Variants in ERBB4 observed in about 807,000 individuals in gnomAD.
ERBB4 encodes receptor tyrosine-protein kinase erbB-4.
Under a neutral mutation model 158.0 loss-of-function variants are expected in ERBB4, and 42 were observed. The ratio of observed to expected loss-of-function variants is 0.27; its 90% confidence interval spans 0.21 to 0.34. The LOEUF is 0.34. Ranked by LOEUF, ERBB4 falls within the 10% of genes least tolerant of loss-of-function variation. The pLI, the probability that ERBB4 is intolerant of heterozygous loss-of-function variation, is 1.00. For missense variants in ERBB4, 1,333 were observed against 1,624.1 expected, an observed-to-expected ratio of 0.82 and a Z score of 3.08; for synonymous variants, 583 against 558.7, an observed-to-expected ratio of 1.04 and a Z score of -0.61.
chr2:212,263,506 G>A (rs778855028), intron 1 of ERBB4, among the ~76,000 whole-genome samples: 22 of 152,146 alleles, frequency 1.4e-4, no homozygotes, highest in Middle Eastern at 3.4e-3. Flanking sequence ...ACCAAATTGC[G>A]TTTTTGCAGC....
Position 212,331,058 on chromosome 2 carries a change from GTA to G in ERBB4, c.83-206157_83-206156del. On this transcript the variant is annotated intron_variant, in intron 1 of 27. Transcript: ENST00000342788. ...AGTAAGTTTCCCATATTTGTAATTT[GTA>G]TATATATATATACACATATATATAT... 1.1e-4 allele frequency among the ~76,000 whole-genome samples: 6 copies of G among 56,258 alleles called. 1 individual carries two copies. Among genetic ancestry groups the G allele is most frequent in the South Asian group, 1.4e-3 (2 of 1,388 alleles). 36.9% of individuals were successfully genotyped at this position (56,258 alleles called of 152,430 possible).
chr2:212,268,961 C>CA (rs1265664218), intron 1 of ERBB4, among the ~76,000 whole-genome samples: 2 of 151,442 alleles, frequency 1.3e-5, no homozygotes, highest in Non-Finnish European at 2.9e-5. Context: ...TCTGTCTATT[C>CA]AAAAAACCAT....
At chr2:212,372,781 C>T (rs1456735561) in intron 1 of ERBB4, among the ~76,000 whole-genome samples, 3 of 151,972 alleles carry the variant, frequency 2.0e-5, no homozygotes, top group African/African-American at 7.2e-5. Flanking sequence ...AAAACAAAAG[C>T]CTGACCACAT....
intron 1 of ERBB4, among the ~76,000 whole-genome samples, chr2:212,263,953 T>C (rs1022753320): frequency 6.6e-6 from 1 of 152,154 alleles, no homozygotes; most frequent in Non-Finnish European, 1.5e-5. Flanking sequence ...CTATGGCTTG[T>C]CTGTCCTACT....
At chr2:211,744,037 C>T (rs1223112453) in intron 5 of ERBB4, among the ~76,000 whole-genome samples, 2 of 152,142 alleles carry the variant, frequency 1.3e-5, no homozygotes, top group Non-Finnish European at 2.9e-5. Flanking sequence ...TTAGATTTTA[C>T]AAGCACAATC....
chr2:211,963,929 A>T (rs2081248643), intron 2 of ERBB4, among the ~76,000 whole-genome samples: 1 of 152,200 alleles, frequency 6.6e-6, no homozygotes, highest in Non-Finnish European at 1.5e-5. Flanking sequence ...CATAAAAAAT[A>T]ACAATGTCTC....
intron 2 of ERBB4, among the ~76,000 whole-genome samples, chr2:212,011,945 T>C (rs886691955): frequency 1.3e-5 from 2 of 152,182 alleles, no homozygotes; most frequent in African/African-American, 4.8e-5. Flanking sequence ...TTGACTGGAA[T>C]GCTTTTAGAA....
chr2:211,859,869 G>T (rs1158688646), intron 3 of ERBB4, among the ~76,000 whole-genome samples: 2 of 152,144 alleles, frequency 1.3e-5, no homozygotes, highest in Admixed American at 1.3e-4. Flanking sequence ...CAATGAAAAA[G>T]AAATGTAAAT....
At position 211,702,010 on chromosome 2, in the gene ERBB4, G is replaced by A. The variant is rs959186384; in HGVS notation, c.1446C>T (p.Asn482=). The A allele has an allele frequency of 1.2e-6, 2 of 1,613,914 alleles. No individual in the cohort carries two copies. The highest frequency in any genetic ancestry group is 1.3e-5 in the African/African-American group (1 of 75,000). ...INWTTLFSTI[N]QRIVIRDNRK... ...TGTTGTCCCGGATTACTATTCTCTG[G>A]TTGATTGTGCTGAAGAGTGTTGTCC... Residue 482 remains asparagine, a synonymous_variant, in exon 12 of 28, where the codon AAC becomes AAT. Transcript: ENST00000342788.
chr2:212,223,904 C>A (rs983058780), intron 1 of ERBB4, among the ~76,000 whole-genome samples: 1 of 151,748 alleles, frequency 6.6e-6, no homozygotes, highest in Non-Finnish European at 1.5e-5. Flanking sequence ...ATAAATACTT[C>A]GCATAGATTA....
intron 20 of ERBB4, among the ~76,000 whole-genome samples, chr2:211,531,571 T>C (rs889412391): frequency 2.6e-5 from 4 of 152,088 alleles, no homozygotes; most frequent in African/African-American, 4.8e-5. Context: ...CTCAACATCA[T>C]TGATCAACAG....
At chr2:211,807,367 C>G (rs2105905467) in intron 3 of ERBB4, among the ~76,000 whole-genome samples, 1 of 152,190 alleles carries the variant, frequency 6.6e-6, no homozygotes, top group Middle Eastern at 3.4e-3. Flanking sequence ...TTGTTCAGTT[C>G]CCACCTATGA....
intron 2 of ERBB4, among the ~76,000 whole-genome samples, chr2:212,029,200 G>A (rs2076844353): frequency 6.6e-6 from 1 of 152,100 alleles, no homozygotes; most frequent in African/African-American, 2.4e-5. Flanking sequence ...ACTACTCCCT[G>A]CCTATAGGGT....
At chr2:212,087,642 A>T (rs943692958) in intron 2 of ERBB4, among the ~76,000 whole-genome samples, 3 of 152,200 alleles carry the variant, frequency 2.0e-5, no homozygotes, top group African/African-American at 7.2e-5. Context: ...AAAGAGTTCT[A>T]AACAGGAGGC....
At chr2:211,879,221 T>C (rs1420740980) in intron 3 of ERBB4, among the ~76,000 whole-genome samples, 1 of 151,424 alleles carries the variant, frequency 6.6e-6, no homozygotes, top group African/African-American at 2.4e-5. Context: ...ATAAAACAGG[T>C]TAGTGAAAAC....
intron 20 of ERBB4, among the ~76,000 whole-genome samples, chr2:211,432,771 G>A (rs192061206): frequency 2.2e-5 from 3 of 137,914 alleles, no homozygotes; most frequent in East Asian, 2.1e-4. Context: ...AGGTTAACAC[G>A]TACTATATGC....
chr2:212,538,313 G>T, intron 1 of ERBB4, 136 bp downstream of exon 1: 1 of 781,848 alleles, frequency 1.3e-6, no homozygotes, highest in South Asian at 1.4e-5. Flanking sequence ...AGGGGTGACC[G>T]AAAGCCCAGG....
At chr2:212,231,604 T>C (rs993643850) in intron 1 of ERBB4, among the ~76,000 whole-genome samples, 4 of 152,192 alleles carry the variant, frequency 2.6e-5, no homozygotes, top group African/African-American at 9.6e-5. Flanking sequence ...ATGGTCCATA[T>C]TGTGGATATT....
chr2:212,062,151 A>G (rs928015682), intron 2 of ERBB4, among the ~76,000 whole-genome samples: 8 of 152,128 alleles, frequency 5.3e-5, no homozygotes, highest in South Asian at 2.1e-4. Context: ...CTGTTTTTCA[A>G]TATTACAAAT....
Sources: allele counts gnomAD v4.1 joint callset (sites outside exome capture counted in the v4.1 genomes callset), GRCh38; gene constraint gnomAD v4.1.1; transcripts MANE v1.5; gene names NCBI Gene and HGNC (gene_info 2026-07-23, HGNC 2026-07-21).